Variants in GIGYF2 observed in about 807,000 individuals in gnomAD.
GIGYF2 encodes the protein GRB10-interacting GYF protein 2.
Under a neutral mutation model 208.1 loss-of-function variants are expected in GIGYF2, and 25 were observed. That is an observed-to-expected ratio of 0.12 (90% CI 0.09 to 0.17). The LOEUF (loss-of-function observed/expected upper bound fraction) is 0.17. Among genes scored for constraint, GIGYF2 ranks in the 10% least tolerant of loss-of-function variants. The pLI is 1.00. For missense variants in GIGYF2, 1,302 were observed against 1,579.4 expected (o/e 0.82, Z 2.98); for synonymous variants, 534 against 543.8 (o/e 0.98, Z 0.25).
chr2:232,855,218 C>T (rs1194694798), intron 28 of GIGYF2, among the ~76,000 whole-genome samples: 2 of 151,780 alleles, frequency 1.3e-5, no homozygotes, highest in Admixed American at 6.6e-5. Flanking sequence ...TCCCGAGTAG[C>T]TGGGATTACA....
At chr2:232,758,648 G>A (rs1190143480) in intron 6 of GIGYF2, among the ~76,000 whole-genome samples, 2 of 152,082 alleles carry the variant, frequency 1.3e-5, no homozygotes, top group Admixed American at 1.3e-4. Flanking sequence ...TAGCAGGACC[G>A]GTGTCAGTGC....
At chr2:232,804,403 G>A (rs1484504714) in intron 14 of GIGYF2, among the ~76,000 whole-genome samples, 2 of 140,378 alleles carry the variant, frequency 1.4e-5, no homozygotes, top group Non-Finnish European at 3.1e-5. Flanking sequence ...TTTTTTCAGT[G>A]ATAGTAAATG....
intron 22 of GIGYF2, 79 bp downstream of exon 22, chr2:232,833,172 G>T (rs1701476676): frequency 1.3e-6 from 1 of 773,570 alleles, no homozygotes; most frequent in African/African-American, 1.7e-5. Flanking sequence ...ACCAGTAGCA[G>T]TAAAACTGTT....
chr2:232,729,573 A>G (rs1697357556), intron 2 of GIGYF2: 1 of 1,408,620 alleles, frequency 7.1e-7, no homozygotes, highest in Admixed American at 1.8e-5. Context: ...TAGTCTTCAA[A>G]AGCAGTGATC....
intron 18 of GIGYF2, among the ~76,000 whole-genome samples, chr2:232,814,223 A>G (rs1700833327): frequency 6.6e-6 from 1 of 151,998 alleles, no homozygotes; most frequent in Admixed American, 6.6e-5. Context: ...ACTTAACACA[A>G]ACATTTTTTT....
chr2:232,842,901 C>T (rs12694917), intron 23 of GIGYF2: 99,213 of 152,054 alleles, frequency 0.65, 32,688 homozygotes, highest in Admixed American at 0.7. Context: ...GCACAGAGTG[C>T]GGGAGGCAAT....
Position 232,845,839 on chromosome 2 carries a change from G to C in GIGYF2, c.3413G>C (p.Trp1138Ser). The change falls in exon 26 of 29, where the codon TGG becomes TCG. Residue 1138 changes from tryptophan to serine, a missense_variant. Physicochemically the swap from Trp to Ser is radical, Grantham distance 177. This residue lies in a region of GIGYF2 where 701 missense variants were observed against 793.0 expected (regional missense o/e 0.88). Transcript: ENST00000373563. The part of the protein sequence containing the change: ...VNKAQDGFTQ[W>S]CEQMLHALNT... ...AAAGCCCAAGATGGATTTACGCAGTGGTGTGAACAGATGCTTCATGCCCTT... is the reference window on the plus strand; with the variant it reads ...AAAGCCCAAGATGGATTTACGCAGTCGTGTGAACAGATGCTTCATGCCCTT... 6.2e-7 allele frequency: 1 copy of C among 1,613,554 alleles called. No homozygotes were observed. Among genetic ancestry groups the C allele is most frequent in the Non-Finnish European group, 8.5e-7 (1 of 1,179,510 alleles).
At chr2:232,697,857 C>T (rs1324339487) in intron 1 of GIGYF2, among the ~76,000 whole-genome samples, 1 of 152,218 alleles carries the variant, frequency 6.6e-6, no homozygotes, top group African/African-American at 2.4e-5. Context: ...CTGCTCCTGC[C>T]GGCTCTCCTG....
intron 8 of GIGYF2, among the ~76,000 whole-genome samples, chr2:232,783,902 G>C (rs1013031536): frequency 4.6e-5 from 7 of 152,098 alleles, no homozygotes; most frequent in Non-Finnish European, 1.0e-4. Context: ...TGGTTAGGCT[G>C]GTCTCGAACT....
intron 3 of GIGYF2, among the ~76,000 whole-genome samples, chr2:232,739,997 A>G (rs1042003966): frequency 6.6e-6 from 1 of 151,702 alleles, no homozygotes; most frequent in Non-Finnish European, 1.5e-5. Flanking sequence ...GTGTGCCTGT[A>G]ATCTTGGCTA....
intron 21 of GIGYF2, among the ~76,000 whole-genome samples, chr2:232,823,363 CTTTCTTT>C (rs1701154899): frequency 1.2e-5 from 1 of 83,630 alleles, no homozygotes; most frequent in Non-Finnish European, 2.5e-5. Context: ...TCCTTTCTTT[CTTTCTTT>C]TTTTTTTTTT....
intron 6 of GIGYF2, among the ~76,000 whole-genome samples, chr2:232,758,186 T>C (rs1698618714): frequency 6.6e-6 from 1 of 152,242 alleles, no homozygotes; most frequent in South Asian, 2.1e-4. Flanking sequence ...ATAATGATTA[T>C]TGTGGCTTTT....
intron 8 of GIGYF2, among the ~76,000 whole-genome samples, chr2:232,783,067 C>T (rs1243874712): frequency 6.6e-6 from 1 of 152,030 alleles, no homozygotes; most frequent in Non-Finnish European, 1.5e-5. Context: ...GTCTTTTCAC[C>T]CTTATGAAAA....
intron 2 of GIGYF2, among the ~76,000 whole-genome samples, chr2:232,714,203 G>C (rs962209265): frequency 6.6e-6 from 1 of 151,958 alleles, no homozygotes; most frequent in Admixed American, 6.6e-5. Context: ...CGCCCGTCTC[G>C]GCCTCCCAAA....
At chr2:232,834,709 C>A (rs1347216164) in intron 22 of GIGYF2, among the ~76,000 whole-genome samples, 1 of 152,194 alleles carries the variant, frequency 6.6e-6, no homozygotes, top group East Asian at 1.9e-4. Context: ...AATGGTGTCT[C>A]ATTTCTCTAA....
intron 5 of GIGYF2, among the ~76,000 whole-genome samples, chr2:232,755,083 G>T (rs976991996): frequency 6.6e-5 from 10 of 152,220 alleles, no homozygotes; most frequent in Admixed American, 2.6e-4. Context: ...TCATATTTCA[G>T]TGGATTTTGA....
At chr2:232,783,344 A>T (rs1318111111) in intron 8 of GIGYF2, among the ~76,000 whole-genome samples, 1 of 151,900 alleles carries the variant, frequency 6.6e-6, no homozygotes. Context: ...GGTTCCAATT[A>T]TTTTTTGTTT....
At chr2:232,719,776 A>G (rs1696855253) in intron 2 of GIGYF2, among the ~76,000 whole-genome samples, 1 of 152,244 alleles carries the variant, frequency 6.6e-6, no homozygotes, top group South Asian at 2.1e-4. Context: ...GTCAAGTACA[A>G]GGATACAATT....
chr2:232,838,130 GA>G (rs1701704776), intron 22 of GIGYF2, among the ~76,000 whole-genome samples: 1 of 152,136 alleles, frequency 6.6e-6, no homozygotes, highest in African/African-American at 2.4e-5. Context: ...TAAGGAAAAT[GA>G]AAGCTATCAG....
Sources: allele counts gnomAD v4.1 joint callset (sites outside exome capture counted in the v4.1 genomes callset), GRCh38; gene constraint gnomAD v4.1.1; regional missense constraint gnomAD v4.1.1; transcripts MANE v1.5; gene names NCBI Gene and HGNC (gene_info 2026-07-23, HGNC 2026-07-21).